Variants in ALKBH5 observed in about 807,000 individuals in gnomAD.
The protein encoded by ALKBH5 is RNA demethylase ALKBH5.
ALKBH5 carries 2 observed loss-of-function variants against 32.1 expected under a neutral mutation model. That is an observed-to-expected ratio of 0.06 (90% CI 0.03 to 0.20). ALKBH5 has a LOEUF of 0.20. Among genes scored for constraint, ALKBH5 ranks in the 10% least tolerant of loss-of-function variants. The pLI, the probability that ALKBH5 is intolerant of heterozygous loss-of-function variation, is 1.00. For synonymous variants in ALKBH5, 300 were observed against 231.7 expected, an observed-to-expected ratio of 1.29 and a Z score of -2.68; for missense variants, 352 against 559.5, an observed-to-expected ratio of 0.63 and a Z score of 3.74.
chr17:18,201,823 AGATAGATAGATAGAT>A (rs1159105945), intron 2 of ALKBH5, among the ~76,000 whole-genome samples: 3 of 126,538 alleles, frequency 2.4e-5, no homozygotes, highest in Admixed American at 2.3e-4. Flanking sequence ...ATAGATAGAT[AGATAGATAGATAGAT>A]GATAGATAGA....
At chr17:18,197,466 G>A (rs897511593) in intron 2 of ALKBH5, among the ~76,000 whole-genome samples, 4 of 152,220 alleles carry the variant, frequency 2.6e-5, no homozygotes, top group East Asian at 1.9e-4. Flanking sequence ...ACCTGGAGAG[G>A]AACTTCTAAT....
At chr17:18,186,973 G>C (rs1174635783) in intron 1 of ALKBH5, among the ~76,000 whole-genome samples, 1 of 152,100 alleles carries the variant, frequency 6.6e-6, no homozygotes, top group East Asian at 1.9e-4. Context: ...GCACAGGGTA[G>C]GTACTTAAAT....
chr17:18,185,395 A>G (rs914494580), intron 1 of ALKBH5, among the ~76,000 whole-genome samples: 1 of 149,106 alleles, frequency 6.7e-6, no homozygotes, highest in African/African-American at 2.5e-5. Context: ...ATGCTTTAAA[A>G]TTTTTTTTTT....
intron 2 of ALKBH5, among the ~76,000 whole-genome samples, chr17:18,201,846 A>T (rs570560151): frequency 1.4e-3 from 122 of 84,228 alleles, no homozygotes; most frequent in Non-Finnish European, 2.5e-3. Flanking sequence ...GATGATAGAT[A>T]GATTGATTGA....
At position 18,184,087 on chromosome 17, in the gene ALKBH5, C is replaced by T; in HGVS notation, c.-157C>T. 1 of 713,352 alleles carries T rather than the reference C, an allele frequency of 1.4e-6. No individual in the cohort carries two copies. Among genetic ancestry groups the T allele is most frequent in the African/African-American group, 1.8e-5 (1 of 54,130 alleles). The allele number at this position is 713,352 out of a possible 1,614,324, so 44.2% of individuals were successfully genotyped here. A position where few individuals can be genotyped will look rare whatever the true frequency, so the allele number is the denominator to read the frequency against. ...CGCTCCTGAGGCCCTACCCCACGCCCGGACCCTCGACGCCCCCCGCCGGGT... is the reference window on the plus strand; with the variant it reads ...CGCTCCTGAGGCCCTACCCCACGCCTGGACCCTCGACGCCCCCCGCCGGGT... On this transcript the variant is annotated 5_prime_UTR_variant, in exon 1 of 4. Coordinates refer to ENST00000399138, the MANE Select transcript of ALKBH5 (RefSeq NM_017758.4).
rs996234276 is a variant in ALKBH5 at position 18,208,780 on chromosome 17, C to G, written c.*384C>G. 1.2e-5 allele frequency: 4 copies of G among 346,038 alleles called. No individual in the cohort carries two copies. Among genetic ancestry groups the G allele is most frequent in the African/African-American group, 8.6e-5 (4 of 46,286 alleles). 21.4% of individuals were successfully genotyped at this position (346,038 alleles called of 1,614,324 possible). A position where few individuals can be genotyped will look rare whatever the true frequency, so the allele number is the denominator to read the frequency against. The stretch of plus-strand genomic sequence containing the variant: ...AAATTATTTTGCTTTCAGTGTAAAT[C>G]TTCGCAGTGTTCTAAACAAAGTTCA... On this transcript the variant is annotated 3_prime_UTR_variant, in exon 4 of 4. Coordinates refer to ENST00000399138, the MANE Select transcript of ALKBH5 (RefSeq NM_017758.4).
chr17:18,208,539 T>G lies in ALKBH5; in HGVS notation c.*143T>G. On this transcript the variant is annotated 3_prime_UTR_variant, in exon 4 of 4. Coordinates refer to ENST00000399138, the MANE Select transcript of ALKBH5 (RefSeq NM_017758.4). ...TTTGATTCTATATATTTTTCCTTGG[T>G]TTTGTTGCCTGTTAGGGCTGAAGAA... 9.9e-7 allele frequency: 1 copy of G among 1,008,472 alleles called. No homozygotes were observed. Among genetic ancestry groups the G allele is most frequent in the Non-Finnish European group, 1.5e-6 (1 of 669,976 alleles). The allele number at this position is 1,008,472 out of a possible 1,614,324, so 62.5% of individuals were successfully genotyped here. A position where few individuals can be genotyped will look rare whatever the true frequency, so the allele number is the denominator to read the frequency against.
chr17:18,193,316 G>C (rs2047188108), intron 1 of ALKBH5, among the ~76,000 whole-genome samples: 1 of 152,036 alleles, frequency 6.6e-6, no homozygotes, highest in East Asian at 1.9e-4. Flanking sequence ...GGGAGGCCGA[G>C]GCTGGCGGAT....
At chr17:18,195,661 A>G (rs535521200) in intron 2 of ALKBH5, among the ~76,000 whole-genome samples, 2 of 152,270 alleles carry the variant, frequency 1.3e-5, no homozygotes, top group South Asian at 4.2e-4. Context: ...GCCTTGCCCC[A>G]CTGTCCACCC....
intron 1 of ALKBH5, among the ~76,000 whole-genome samples, chr17:18,189,468 G>A (rs1245166080): frequency 6.6e-6 from 1 of 152,216 alleles, no homozygotes; most frequent in Admixed American, 6.5e-5. Flanking sequence ...AGCTCTCTGG[G>A]GGATATAGGT....
chr17:18,188,472 T>A (rs980662630), intron 1 of ALKBH5, among the ~76,000 whole-genome samples: 2 of 152,258 alleles, frequency 1.3e-5, no homozygotes, highest in Admixed American at 6.5e-5. Flanking sequence ...GATAGTCTGA[T>A]CTTGTTCAGC....
chr17:18,203,071 T>A lies in ALKBH5; in HGVS notation c.852-3744T>A, dbSNP rs866526142. ...CTGGAGACAGAGCAAGATTGTCTTT[T>A]AAAAAAAAAAAAAAAAAAAAGAGTT... On this transcript the variant is annotated intron_variant, in intron 2 of 3. Transcript: ENST00000399138. Among the ~76,000 whole-genome samples, 48 of 133,520 alleles carry A rather than the reference T, an allele frequency of 3.6e-4. 1 individual carries two copies. The highest frequency in any genetic ancestry group is 1.2e-3 in the South Asian group (5 of 4,124). The allele number at this position is 133,520 out of a possible 152,430, so 87.6% of individuals were successfully genotyped here.
intron 1 of ALKBH5, among the ~76,000 whole-genome samples, chr17:18,189,518 C>T (rs1030459609): frequency 2.6e-5 from 4 of 152,288 alleles, no homozygotes; most frequent in South Asian, 2.1e-4. Flanking sequence ...AGTGGGTGTA[C>T]GTGTGCCCTT....
chr17:18,202,379 G>T (rs1042790307), intron 2 of ALKBH5, among the ~76,000 whole-genome samples: 2 of 152,140 alleles, frequency 1.3e-5, no homozygotes, highest in Non-Finnish European at 2.9e-5. Flanking sequence ...GATGGGTGGG[G>T]AGAGTCCCGT....
At chr17:18,203,270 C>T (rs931599137) in intron 2 of ALKBH5, among the ~76,000 whole-genome samples, 4 of 152,098 alleles carry the variant, frequency 2.6e-5, no homozygotes, top group Non-Finnish European at 5.9e-5. Flanking sequence ...AGCTTTGTGA[C>T]TCAAGCTAGT....
chr17:18,201,908 G>A (rs2047243689), intron 2 of ALKBH5, among the ~76,000 whole-genome samples: 2 of 152,098 alleles, frequency 1.3e-5, no homozygotes, highest in South Asian at 2.1e-4. Flanking sequence ...CGAGCTACTC[G>A]CGAGCCTGAG....
In ALKBH5 at chr17:18,208,672, G is replaced by A. The variant is rs1462145374; in HGVS notation, c.*276G>A. The A allele has an allele frequency of 1.8e-6, 1 of 559,390 alleles. No homozygotes were observed. Among genetic ancestry groups the A allele is most frequent in the Admixed American group, 3.0e-5 (1 of 32,998 alleles). The allele number at this position is 559,390 out of a possible 1,614,324, so 34.7% of individuals were successfully genotyped here. Reference sequence around the variant, plus strand: ...GCTGATGCTGGAGTGGCCAGTAGAGGTGGTGGAGCAGAGCAGCCATCTTTT... The same window carrying A: ...GCTGATGCTGGAGTGGCCAGTAGAGATGGTGGAGCAGAGCAGCCATCTTTT... On this transcript the variant is annotated 3_prime_UTR_variant, in exon 4 of 4. Coordinates refer to ENST00000399138, the MANE Select transcript of ALKBH5 (RefSeq NM_017758.4).
chr17:18,206,546 C>T (rs1456647298), intron 2 of ALKBH5: 1 of 352,556 alleles, frequency 2.8e-6, no homozygotes, highest in African/African-American at 2.1e-5. Flanking sequence ...GCCCTGGGAT[C>T]TTGCCCCTAG....
chr17:18,184,573 G>T lies in ALKBH5; in HGVS notation c.330G>T (p.Val110=). The T allele has an allele frequency of 1.2e-6, 2 of 1,613,318 alleles. No individual in the cohort carries two copies. The highest frequency in any genetic ancestry group is 8.5e-7 in the Non-Finnish European group (1 of 1,180,016). The part of the protein sequence containing the change: ...CAKIEARIDE[V]VSRAEKGLYN... ...AGATCGAGGCCCGCATTGACGAGGT[G>T]GTGTCCCGCGCTGAGAAGGGCCTGT... Residue 110 remains valine (V), a synonymous_variant, in exon 1 of 4, where the codon GTG becomes GTT. Coordinates refer to ENST00000399138, the MANE Select transcript of ALKBH5 (RefSeq NM_017758.4).
Sources: gnomAD v4.1 joint callset for allele counts (sites outside exome capture counted in the v4.1 genomes callset) on GRCh38, gnomAD v4.1.1 for gene constraint, MANE v1.5 for transcripts, NCBI Gene and HGNC (gene_info 2026-07-23, HGNC 2026-07-21) for gene names.